Variants in HS6ST3 observed in about 807,000 individuals in gnomAD.
HS6ST3 encodes the protein heparan sulfate 6-O-sulfotransferase 3.
Under a neutral mutation model 36.7 loss-of-function variants are expected in HS6ST3, and 12 were observed. That is an observed-to-expected ratio of 0.33 (90% CI 0.21 to 0.53). The LOEUF is 0.53. Among genes scored for constraint, HS6ST3 ranks in the 20% least tolerant of loss-of-function variants. The probability of loss-of-function intolerance (pLI) is 0.95; values close to 1 mark genes in which losing one functional copy is unlikely to be tolerated. For missense variants in HS6ST3, 584 were observed against 640.9 expected (o/e 0.91, Z 0.96); for synonymous variants, 240 against 257.5 (o/e 0.93, Z 0.65).
At chr13:96,424,719 A>G (rs1452010274) in intron 1 of HS6ST3, among the ~76,000 whole-genome samples, 1 of 152,090 alleles carries the variant, frequency 6.6e-6, no homozygotes, top group Non-Finnish European at 1.5e-5. Flanking sequence ...TTCATGAGGG[A>G]TCTGCCCTCG....
intron 1 of HS6ST3, among the ~76,000 whole-genome samples, chr13:96,195,938 TA>T (rs1387665915): frequency 6.6e-6 from 1 of 152,194 alleles, no homozygotes; most frequent in Non-Finnish European, 1.5e-5. Flanking sequence ...CGATAAATGT[TA>T]GTTTAAAACA....
chr13:96,262,587 A>C (rs939634595), intron 1 of HS6ST3, among the ~76,000 whole-genome samples: 2 of 152,226 alleles, frequency 1.3e-5, no homozygotes, highest in South Asian at 2.1e-4. Context: ...ACAGTTTTTA[A>C]GAGTTACATG....
chr13:96,140,266 T>C (rs968370982), intron 1 of HS6ST3, among the ~76,000 whole-genome samples: 11 of 152,190 alleles, frequency 7.2e-5, no homozygotes, highest in African/African-American at 2.7e-4. Context: ...ACTGTATATA[T>C]ATTGTATTAC....
intron 1 of HS6ST3, among the ~76,000 whole-genome samples, chr13:96,103,477 T>A (rs974840633): frequency 1.2e-4 from 18 of 152,198 alleles, no homozygotes; most frequent in African/African-American, 4.1e-4. Context: ...CAAACAAATG[T>A]TGACTGAATA....
intron 1 of HS6ST3, among the ~76,000 whole-genome samples, chr13:96,793,119 TG>T (rs1450284719): frequency 6.6e-6 from 1 of 152,054 alleles, no homozygotes; most frequent in African/African-American, 2.4e-5. Flanking sequence ...TCATAGCCCT[TG>T]ACCTTTTAGT....
intron 1 of HS6ST3, among the ~76,000 whole-genome samples, chr13:96,824,665 T>C (rs1878612267): frequency 6.6e-6 from 1 of 152,188 alleles, no homozygotes; most frequent in African/African-American, 2.4e-5. Flanking sequence ...ATTTGGAAAC[T>C]GACTCCTGCA....
intron 1 of HS6ST3, among the ~76,000 whole-genome samples, chr13:96,155,956 TTTC>T (rs1566895347): frequency 6.6e-6 from 1 of 152,208 alleles, no homozygotes; most frequent in Non-Finnish European, 1.5e-5. Flanking sequence ...AGGCACGTGA[TTTC>T]TTCCCGCTTG....
intron 1 of HS6ST3, among the ~76,000 whole-genome samples, chr13:96,819,626 C>T (rs529539165): frequency 6.6e-6 from 1 of 152,234 alleles, no homozygotes; most frequent in South Asian, 2.1e-4. Context: ...ATCATAAGCA[C>T]CTCGCATAGT....
intron 1 of HS6ST3, among the ~76,000 whole-genome samples, chr13:96,720,051 T>A (rs929955455): frequency 2.6e-5 from 4 of 152,250 alleles, no homozygotes; most frequent in Admixed American, 2.0e-4. Flanking sequence ...ATCAGTTATG[T>A]CTCATCTTTG....
At chr13:96,682,129 C>G (rs982633403) in intron 1 of HS6ST3, among the ~76,000 whole-genome samples, 2 of 152,050 alleles carry the variant, frequency 1.3e-5, no homozygotes, top group African/African-American at 4.8e-5. Flanking sequence ...TTTCTTCTCT[C>G]AAATATTAAC....
At chr13:96,464,544 G>A (rs1224027775) in intron 1 of HS6ST3, among the ~76,000 whole-genome samples, 2 of 152,056 alleles carry the variant, frequency 1.3e-5, no homozygotes, top group Non-Finnish European at 2.9e-5. Flanking sequence ...TAGCATCAAA[G>A]TTTGTAATTG....
chr13:96,799,690 G>A (rs565158358), intron 1 of HS6ST3, among the ~76,000 whole-genome samples: 40 of 150,706 alleles, frequency 2.7e-4, no homozygotes, highest in Non-Finnish European at 3.8e-4. Flanking sequence ...TAGATGATGA[G>A]TTAGTGGGTG....
intron 1 of HS6ST3, among the ~76,000 whole-genome samples, chr13:96,414,198 G>A (rs867304607): frequency 3.5e-4 from 54 of 152,252 alleles, no homozygotes; most frequent in Admixed American, 1.4e-3. Flanking sequence ...TATTTTAAAA[G>A]AATAAAAATT....
intron 1 of HS6ST3, among the ~76,000 whole-genome samples, chr13:96,146,499 T>G (rs1035126068): frequency 6.6e-6 from 1 of 152,210 alleles, no homozygotes; most frequent in African/African-American, 2.4e-5. Context: ...TTTTGCACAT[T>G]GATTTTAAAA....
intron 1 of HS6ST3, among the ~76,000 whole-genome samples, chr13:96,762,201 C>T (rs761543639): frequency 6.0e-4 from 92 of 152,210 alleles, no homozygotes; most frequent in East Asian, 5.2e-3. Context: ...ATATTGGCTG[C>T]GCATGGTGGC....
At chr13:96,525,813 G>A (rs1159351710) in intron 1 of HS6ST3, among the ~76,000 whole-genome samples, 1 of 152,134 alleles carries the variant, frequency 6.6e-6, no homozygotes, top group African/African-American at 2.4e-5. Flanking sequence ...TACTGTGTAC[G>A]CTATGATGTG....
chr13:96,596,280 G>T (rs779193064), intron 1 of HS6ST3, among the ~76,000 whole-genome samples: 12 of 152,034 alleles, frequency 7.9e-5, no homozygotes, highest in Non-Finnish European at 1.0e-4. Context: ...CATTATTTTG[G>T]TTTTTTATGG....
At chr13:96,489,738 T>A (rs1566375728) in intron 1 of HS6ST3, among the ~76,000 whole-genome samples, 1 of 152,142 alleles carries the variant, frequency 6.6e-6, no homozygotes, top group Non-Finnish European at 1.5e-5. Context: ...ATTTATTAAG[T>A]TGTTTAAATC....
intron 1 of HS6ST3, among the ~76,000 whole-genome samples, chr13:96,320,420 A>T (rs2054997557): frequency 6.6e-6 from 1 of 152,198 alleles, no homozygotes; most frequent in African/African-American, 2.4e-5. Flanking sequence ...AGATGTGAGA[A>T]CATTCAGTTC....
Sources: allele counts gnomAD v4.1 joint callset (sites outside exome capture counted in the v4.1 genomes callset), GRCh38; gene constraint gnomAD v4.1.1; transcripts MANE v1.5; gene names NCBI Gene and HGNC (gene_info 2026-07-23, HGNC 2026-07-21).